Variants in GRIN2B observed in about 807,000 individuals in gnomAD.
GRIN2B encodes glutamate ionotropic receptor NMDA type subunit 2B, also known as glutamate receptor ionotropic, NMDA 2B.
Under a neutral mutation model 114.5 loss-of-function variants are expected in GRIN2B, and 5 were observed. That is an observed-to-expected ratio of 0.04 (90% CI 0.02 to 0.09). The LOEUF is 0.09. Among genes scored for constraint, GRIN2B ranks in the 10% least tolerant of loss-of-function variants. The probability of loss-of-function intolerance (pLI) is 1.00; values close to 1 mark genes in which losing one functional copy is unlikely to be tolerated. For synonymous variants in GRIN2B, 787 were observed against 745.1 expected, an observed-to-expected ratio of 1.06 and a Z score of -0.92; for missense variants, 1,108 against 1,943.5, an observed-to-expected ratio of 0.57 and a Z score of 8.08.
At chr12:13,817,968 G>T (rs1306907357) in intron 3 of GRIN2B, among the ~76,000 whole-genome samples, 1 of 152,158 alleles carries the variant, frequency 6.6e-6, no homozygotes, top group African/African-American at 2.4e-5. Context: ...AGTGGCAATT[G>T]TTATCGTTTT....
chr12:13,688,442 T>TGAAG (rs1950189093), intron 4 of GRIN2B, among the ~76,000 whole-genome samples: 2 of 152,184 alleles, frequency 1.3e-5, no homozygotes, highest in Non-Finnish European at 2.9e-5. Flanking sequence ...TAAGGAGCTA[T>TGAAG]GTTCATAGGA....
chr12:13,855,921 T>C (rs1273508119), intron 3 of GRIN2B, among the ~76,000 whole-genome samples: 1 of 152,178 alleles, frequency 6.6e-6, no homozygotes, highest in African/African-American at 2.4e-5. Context: ...ACTATGCACC[T>C]GACACTATGT....
chr12:13,804,475 A>G (rs902348567), intron 3 of GRIN2B, among the ~76,000 whole-genome samples: 12 of 152,248 alleles, frequency 7.9e-5, no homozygotes, highest in Admixed American at 6.5e-5. Flanking sequence ...AAATCCAAAC[A>G]TAAGATATCT....
intron 10 of GRIN2B, among the ~76,000 whole-genome samples, chr12:13,605,520 G>GTCTCTC (rs3081918): frequency 0.4 from 45,644 of 114,734 alleles, 9,790 homozygotes; most frequent in East Asian, 0.67. Flanking sequence ...GGTCTTGAAA[G>GTCTCTC]TCTCTCTCTC....
chr12:13,828,486 C>T (rs1381863895), intron 3 of GRIN2B, among the ~76,000 whole-genome samples: 2 of 152,134 alleles, frequency 1.3e-5, no homozygotes, highest in African/African-American at 2.4e-5. Flanking sequence ...ATTACCGGAG[C>T]TCCTTCTAAC....
intron 3 of GRIN2B, among the ~76,000 whole-genome samples, chr12:13,757,629 A>T (rs1274074874): frequency 6.6e-6 from 1 of 152,174 alleles, no homozygotes; most frequent in Non-Finnish European, 1.5e-5. Context: ...GAAGAATCCC[A>T]GTCAAATTTA....
At chr12:13,678,843 G>A (rs973979127) in intron 4 of GRIN2B, among the ~76,000 whole-genome samples, 2 of 152,140 alleles carry the variant, frequency 1.3e-5, no homozygotes, top group Non-Finnish European at 2.9e-5. Flanking sequence ...TAGAATATAA[G>A]CACTAATATA....
chr12:13,579,427 C>A (rs1391557179), intron 10 of GRIN2B, among the ~76,000 whole-genome samples: 4 of 152,196 alleles, frequency 2.6e-5, no homozygotes, highest in Non-Finnish European at 4.4e-5. Flanking sequence ...ATCTGTGCCC[C>A]AGTTTCTACA....
chr12:13,642,215 A>AACAG (rs1949724906), intron 5 of GRIN2B, among the ~76,000 whole-genome samples: 1 of 151,782 alleles, frequency 6.6e-6, no homozygotes, highest in African/African-American at 2.4e-5. Flanking sequence ...CAAACAAACA[A>AACAG]ACAAACAAGC....
At chr12:13,833,331 T>C (rs1202627895) in intron 3 of GRIN2B, among the ~76,000 whole-genome samples, 2 of 152,160 alleles carry the variant, frequency 1.3e-5, no homozygotes, top group Non-Finnish European at 2.9e-5. Context: ...CACGAGGAGA[T>C]GAATACCCTA....
At chr12:13,709,698 C>A (rs1950396481) in intron 4 of GRIN2B, among the ~76,000 whole-genome samples, 1 of 151,980 alleles carries the variant, frequency 6.6e-6, no homozygotes, top group South Asian at 2.1e-4. Flanking sequence ...ATTCTAATAA[C>A]CACAACCCCA....
chr12:13,694,534 T>G (rs1308961527), intron 4 of GRIN2B, among the ~76,000 whole-genome samples: 1 of 151,248 alleles, frequency 6.6e-6, no homozygotes, highest in African/African-American at 2.4e-5. Context: ...GGTGACTCAT[T>G]TTGTTGAAGT....
chr12:13,706,552 G>T (rs1950361497), intron 4 of GRIN2B, among the ~76,000 whole-genome samples: 1 of 152,074 alleles, frequency 6.6e-6, no homozygotes, highest in Non-Finnish European at 1.5e-5. Context: ...ATGCCATGTT[G>T]CTGTATGGAC....
chr12:13,591,722 T>G (rs1279878425), intron 10 of GRIN2B, among the ~76,000 whole-genome samples: 2 of 152,320 alleles, frequency 1.3e-5, no homozygotes, highest in Non-Finnish European at 2.9e-5. Flanking sequence ...TTACCATGAA[T>G]GAGGGCCATG....
chr12:13,570,195 T>C (rs1368401907), intron 11 of GRIN2B, among the ~76,000 whole-genome samples, 178 bp from the exon 12 acceptor site: 2 of 152,188 alleles, frequency 1.3e-5, no homozygotes, highest in African/African-American at 2.4e-5. Flanking sequence ...GTTCTTTATG[T>C]GCTTTTGGGT....
intron 3 of GRIN2B, among the ~76,000 whole-genome samples, chr12:13,834,641 A>G (rs992653192): frequency 1.3e-5 from 2 of 152,126 alleles, no homozygotes; most frequent in Non-Finnish European, 2.9e-5. Context: ...CGGCCCTTTC[A>G]CAGGTGAATA....
At chr12:13,570,351 G>A (rs1181047681) in intron 11 of GRIN2B, among the ~76,000 whole-genome samples, 1 of 152,206 alleles carries the variant, frequency 6.6e-6, no homozygotes, top group Non-Finnish European at 1.5e-5. Context: ...AGTAACCACT[G>A]CAACGAGCAA....
chr12:13,812,361 AAT>A (rs1234774790), intron 3 of GRIN2B, among the ~76,000 whole-genome samples: 1 of 152,156 alleles, frequency 6.6e-6, no homozygotes, highest in Non-Finnish European at 1.5e-5. Context: ...CCAGCCCTGA[AAT>A]AACTTCTGGG....
At chr12:13,956,581 G>A (rs920797689) in intron 2 of GRIN2B, among the ~76,000 whole-genome samples, 2 of 152,024 alleles carry the variant, frequency 1.3e-5, no homozygotes, top group Non-Finnish European at 2.9e-5. Flanking sequence ...CCAACTGTTC[G>A]TTCCGTATGG....
Sources: gnomAD v4.1 joint callset for allele counts (sites outside exome capture counted in the v4.1 genomes callset) on GRCh38, gnomAD v4.1.1 for gene constraint, MANE v1.5 for transcripts, NCBI Gene and HGNC (gene_info 2026-07-23, HGNC 2026-07-21) for gene names.